Variants in DST observed in about 807,000 individuals in gnomAD.
The protein encoded by DST is dystonin.
A neutral mutation model predicts 875.2 loss-of-function variants in DST; 253 were observed. That is an observed-to-expected ratio of 0.29 (90% CI 0.26 to 0.32). The LOEUF is 0.32. Among genes scored for constraint, DST ranks in the 10% least tolerant of loss-of-function variants. DST has a pLI of 1.00. For synonymous variants in DST, 3,124 were observed against 3,197.1 expected (o/e 0.98, Z 0.77); for missense variants, 8,287 against 9,111.6 (o/e 0.91, Z 3.68).
At chr6:56,899,680 A>G (rs944110856) in intron 3 of DST, among the ~76,000 whole-genome samples, 4 of 152,220 alleles carry the variant, frequency 2.6e-5, no homozygotes, top group African/African-American at 9.6e-5. Flanking sequence ...TTACTTTACA[A>G]GTTTTAAAAT....
At chr6:56,474,226 G>A in intron 92 of DST, 7 of 373,032 alleles carry the variant, frequency 1.9e-5, no homozygotes, top group South Asian at 1.6e-4. Flanking sequence ...GCTCATGCCT[G>A]TAATCCCAGC....
Position 56,516,716 on chromosome 6 carries a change from C to T in DST, c.18357+482G>A, listed in dbSNP as rs142115150. On this transcript the variant is annotated intron_variant, in intron 71 of 103. Coordinates refer to ENST00000680361, the MANE Select transcript of DST (RefSeq NM_001374736.1). Reference sequence around the variant, plus strand: ...AAATTAAAGGATAATTAAAACTACACAAGCTGAATGCTTCCTTAATTACTC... The same window carrying T: ...AAATTAAAGGATAATTAAAACTACATAAGCTGAATGCTTCCTTAATTACTC... Among the ~76,000 whole-genome samples, 4 of 152,244 alleles carry T rather than the reference C, an allele frequency of 2.6e-5. No individual in the cohort carries two copies. The East Asian group carries it at 7.7e-4, about 29-fold the overall frequency.
At chr6:56,649,941 T>A (rs1054128735) in intron 12 of DST, among the ~76,000 whole-genome samples, 4 of 151,520 alleles carry the variant, frequency 2.6e-5, no homozygotes, top group African/African-American at 4.9e-5. Flanking sequence ...AGCATGAAGG[T>A]TGGGAGAAGC....
intron 4 of DST, among the ~76,000 whole-genome samples, chr6:56,756,063 G>C (rs1232125292): frequency 6.6e-6 from 1 of 152,184 alleles, no homozygotes; most frequent in African/African-American, 2.4e-5. Flanking sequence ...GAGTCAAGAG[G>C]GGAGTCAAGA....
intron 27 of DST, 71 bp from the exon 28 acceptor site, chr6:56,633,108 G>T: frequency 4.0e-6 from 5 of 1,249,036 alleles, no homozygotes; most frequent in Non-Finnish European, 5.9e-6. Context: ...ACTTCAAACT[G>T]GTCGTGTGGT....
chr6:56,492,239 C>G lies in DST; in HGVS notation c.20745G>C (p.Lys6915Asn), dbSNP rs767655052. 3.5e-5 allele frequency: 56 copies of G among 1,613,614 alleles called. No homozygotes were observed. Among genetic ancestry groups the G allele is most frequent in the Non-Finnish European group, 4.7e-5 (56 of 1,179,742 alleles). ...ERGRSLDDAR[K>N]RAKQFHEAWS... ...AAAGGGTTATTACCTGCTTGGCTCT[C>G]TTCCTTGCATCATCCAAAGATCTTC... Residue 6915 changes from lysine to asparagine, a missense_variant, in exon 85 of 104, where the codon AAG (lysine) becomes AAC (asparagine). Physicochemically the swap from Lys to Asn is moderately conservative, Grantham distance 94. Coordinates refer to ENST00000680361, the MANE Select transcript of DST (RefSeq NM_001374736.1).
chr6:56,835,821 T>A (rs576797671), intron 4 of DST, among the ~76,000 whole-genome samples: 1 of 152,166 alleles, frequency 6.6e-6, no homozygotes, highest in Non-Finnish European at 1.5e-5. Flanking sequence ...AATACCAGGG[T>A]TCACTGGGAA....
At position 56,744,900 on chromosome 6, in the gene DST, C is replaced by A. The variant is rs138080563; in HGVS notation, c.626-9611G>T. Among the ~76,000 whole-genome samples the A allele has an allele frequency of 5.3e-4, 80 of 152,260 alleles. No homozygotes were observed. In the East Asian group the frequency reaches 0.012, roughly 23 times the overall value. ...TAATTGAAAAATCTTTTCAAATGTTCATTCCCACAGGAACATCATTATGGT... is the reference window on the plus strand; with the variant it reads ...TAATTGAAAAATCTTTTCAAATGTTAATTCCCACAGGAACATCATTATGGT... On this transcript the variant is annotated intron_variant, in intron 4 of 103. Coordinates refer to ENST00000680361, the MANE Select transcript of DST (RefSeq NM_001374736.1).
At chr6:56,822,649 A>G (rs1040779642) in intron 4 of DST, among the ~76,000 whole-genome samples, 1 of 152,112 alleles carries the variant, frequency 6.6e-6, no homozygotes, top group African/African-American at 2.4e-5. Context: ...AGATCCTCAA[A>G]TAAATCATTA....
intron 34 of DST, among the ~76,000 whole-genome samples, chr6:56,626,219 T>TATA (rs2098733727): frequency 6.6e-6 from 1 of 152,136 alleles, no homozygotes; most frequent in Non-Finnish European, 1.5e-5. Flanking sequence ...GTACAGTGTT[T>TATA]ATAAATTCTA....
intron 80 of DST, 24 bp downstream of exon 80, chr6:56,501,056 T>C (rs1320794022): frequency 6.2e-7 from 1 of 1,606,468 alleles, no homozygotes; most frequent in Admixed American, 1.7e-5. Flanking sequence ...AGAAGAAACA[T>C]AACATGCATT....
At chr6:56,853,139 TC>T (rs1346102229) in intron 3 of DST, among the ~76,000 whole-genome samples, 1 of 152,110 alleles carries the variant, frequency 6.6e-6, no homozygotes, top group African/African-American at 2.4e-5. Context: ...CTCTATTCTT[TC>T]CCCCCAAAAA....
At chr6:56,670,540 C>T (rs1329716781) in intron 10 of DST, 101 bp downstream of exon 10, 8 of 923,684 alleles carry the variant, frequency 8.7e-6, no homozygotes, top group Admixed American at 3.8e-5. Context: ...AATTTTTTGC[C>T]ATGCTTTTGC....
At position 56,607,039 on chromosome 6, in the gene DST, G is replaced by C. The variant is rs764234224; in HGVS notation, c.7589C>G (p.Thr2530Ser). The C allele has an allele frequency of 6.2e-7, 1 of 1,613,312 alleles. No individual in the cohort carries two copies. The highest frequency in any genetic ancestry group is 1.1e-5 in the South Asian group (1 of 91,068). ...QYHNDKYISN[T>S]SGEDEKTHPG... The stretch of plus-strand genomic sequence containing the variant: ...ATGTGTTTTTTCATCCTCACCAGAA[G>C]TATTTGAAATGTATTTATCATTGTG... The change falls in exon 40 of 104, where the codon ACT becomes AGT. Residue 2530 changes from threonine (T) to serine (S), a missense_variant. Thr to Ser is a moderately conservative substitution (Grantham distance 58). Around this residue, in one of 10 missense-constraint regions of DST, gnomAD observed 3,138 missense variants for 3,116.6 expected, o/e 1.01. Transcript: ENST00000680361.
chr6:56,516,147 G>C (rs2096584580), intron 71 of DST, among the ~76,000 whole-genome samples: 5 of 142,984 alleles, frequency 3.5e-5, no homozygotes, highest in African/African-American at 5.2e-5. Context: ...GAGAGAGAGA[G>C]AAAGAGAAAG....
At chr6:56,509,355 T>C (rs1177368546) in intron 74 of DST, among the ~76,000 whole-genome samples, 1 of 152,190 alleles carries the variant, frequency 6.6e-6, no homozygotes, top group Non-Finnish European at 1.5e-5. Flanking sequence ...ATTAGCAATA[T>C]GCTTCAACCT....
At chr6:56,855,478 G>T (rs1446039340) in intron 3 of DST, among the ~76,000 whole-genome samples, 1 of 152,000 alleles carries the variant, frequency 6.6e-6, no homozygotes, top group African/African-American at 2.4e-5. Flanking sequence ...CGGGGTGGGG[G>T]GTTAAATCAA....
chr6:56,741,291 C>T (rs1401076795), intron 4 of DST, among the ~76,000 whole-genome samples: 1 of 152,150 alleles, frequency 6.6e-6, no homozygotes, highest in Non-Finnish European at 1.5e-5. Flanking sequence ...GTAGGTACTA[C>T]TGAGGTAATA....
chr6:56,478,457 G>A (rs2095286097), intron 90 of DST, among the ~76,000 whole-genome samples: 1 of 152,166 alleles, frequency 6.6e-6, no homozygotes, highest in South Asian at 2.1e-4. Context: ...CTGCCAGCAA[G>A]CGGAATGAAC....
Sources: allele counts gnomAD v4.1 joint callset (sites outside exome capture counted in the v4.1 genomes callset), GRCh38; gene constraint gnomAD v4.1.1; regional missense constraint gnomAD v4.1.1; transcripts MANE v1.5; gene names NCBI Gene and HGNC (gene_info 2026-07-23, HGNC 2026-07-21).